Variants in TVP23C observed in about 807,000 individuals in gnomAD.
TVP23C encodes Golgi apparatus membrane protein TVP23 homolog C.
TVP23C carries 19 observed loss-of-function variants against 28.7 expected under a neutral mutation model. The ratio of observed to expected loss-of-function variants is 0.66; its 90% CI spans 0.46 to 0.97. The LOEUF (loss-of-function observed/expected upper bound fraction) is 0.97. TVP23C is among the 50% of genes least tolerant of loss of function. TVP23C has a pLI of 0.00. For missense variants in TVP23C, 186 were observed against 241.3 expected, an observed-to-expected ratio of 0.77 and a Z score of 1.52; for synonymous variants, 68 against 81.7, an observed-to-expected ratio of 0.83 and a Z score of 0.90.
chr17:15,502,730 CTTTCTCTCTCCTCTCTCCCGTCTCTT>C (rs1981508311), exon 6 of TVP23C: 18 of 977,202 alleles, frequency 1.8e-5, no homozygotes, highest in Non-Finnish European at 2.4e-5. Context: ...CTCTCTCTCT[CTTTCTCTCTCCTCTCTCCCGTCTCTT>C]TCTCTCCTTC....
intron 5 of TVP23C, among the ~76,000 whole-genome samples, chr17:15,504,046 A>C (rs1295683449): frequency 6.6e-6 from 1 of 152,166 alleles, no homozygotes. Context: ...CAGTCTCCTG[A>C]GAGCAAGCAT....
chr17:15,522,895 A>T (rs1277419493), intron 5 of TVP23C, among the ~76,000 whole-genome samples: 2 of 152,164 alleles, frequency 1.3e-5, no homozygotes, highest in African/African-American at 4.8e-5. Flanking sequence ...TACACAAATT[A>T]GCCAGGCATG....
chr17:15,508,526 A>G (rs192956496), intron 5 of TVP23C, among the ~76,000 whole-genome samples: 3,261 of 152,210 alleles, frequency 0.021, 122 homozygotes, highest in African/African-American at 0.072. Flanking sequence ...TGTTCCTCGG[A>G]GGACTGGGGA....
At chr17:15,507,908 T>G (rs973414119) in intron 5 of TVP23C, among the ~76,000 whole-genome samples, 1 of 152,094 alleles carries the variant, frequency 6.6e-6, no homozygotes, top group Non-Finnish European at 1.5e-5. Context: ...CTCCATCGTA[T>G]CTGTAAAGTG....
rs1981617024 is a variant in TVP23C at position 15,504,170 on chromosome 17, C to T, written c.463-938G>A. 2.0e-5 allele frequency among the ~76,000 whole-genome samples: 3 copies of T among 152,194 alleles called. 1 individual carries two copies. In the South Asian group the frequency reaches 6.2e-4, roughly 31 times the overall value. On this transcript the variant is annotated intron_variant, in intron 5 of 5. Transcript: ENST00000225576. ...CTCACCCACTAGACAGCCCAGGAAC[C>T]AGGAGCCTAGGCCTGAATAATGGGA...
chr17:15,539,258 T>C lies in TVP23C; in HGVS notation c.*1154A>G. Reference sequence around the variant, plus strand: ...CGAGTTTAAGAATCCCTGTCCTACATAATATCACTTGCCCAACCTACTGTA... The same window carrying C: ...CGAGTTTAAGAATCCCTGTCCTACACAATATCACTTGCCCAACCTACTGTA... On this transcript the variant is annotated 3_prime_UTR_variant, in exon 6 of 6. Coordinates refer to ENST00000518321, the MANE Select transcript of TVP23C (RefSeq NM_001135036.2). The C allele has an allele frequency of 1.0e-6, 1 of 985,372 alleles. No homozygotes were observed. The highest frequency in any genetic ancestry group is 1.2e-6 in the Non-Finnish European group (1 of 829,892). 61.0% of individuals were successfully genotyped at this position (985,372 alleles called of 1,614,324 possible). A position where few individuals can be genotyped will look rare whatever the true frequency, so the allele number is the denominator to read the frequency against.
intron 5 of TVP23C, among the ~76,000 whole-genome samples, chr17:15,543,582 T>C (rs1203823526): frequency 6.6e-6 from 1 of 151,428 alleles, no homozygotes; most frequent in Non-Finnish European, 1.5e-5. Flanking sequence ...GCTAAGGAAA[T>C]ACAGAGAGAA....
At position 15,540,523 on chromosome 17, in the gene TVP23C, G is replaced by A. The variant is rs762192129; in HGVS notation, c.501C>T (p.Asn167=). Residue 167 remains asparagine (N), a synonymous_variant, in exon 6 of 6, where the codon AAC becomes AAT. Coordinates refer to ENST00000518321, the MANE Select transcript of TVP23C (RefSeq NM_001135036.2). ...VIMGVVLQGA[N]LYGYIRCKVR... is the part of the protein sequence containing the mutation. ...CCTTACACCTGATGTAACCATACAG[G>A]TTGGCACCTTGTAGCACCACACCCA... 1.2e-5 allele frequency: 19 copies of A among 1,613,268 alleles called. No homozygotes were observed. The East Asian group carries it at 3.8e-4, about 32-fold the overall frequency.
chr17:15,510,420 T>TG (rs200645084), intron 5 of TVP23C, among the ~76,000 whole-genome samples: 1,712 of 152,142 alleles, frequency 0.011, 35 homozygotes, highest in African/African-American at 0.039. Flanking sequence ...GAGATGCAAG[T>TG]CAAAACCTAT....
intron 2 of TVP23C, 68 bp downstream of exon 2, chr17:15,555,214 A>G: frequency 3.7e-6 from 6 of 1,606,420 alleles, no homozygotes; most frequent in Non-Finnish European, 5.1e-6. Context: ...GACTCCCATC[A>G]GCTAGCACTG....
rs180956061 is a variant in TVP23C at position 15,506,743 on chromosome 17, G to A, written c.463-3511C>T. 173 of 373,830 alleles carry A rather than the reference G, an allele frequency of 4.6e-4. 1 individual carries two copies. In the Middle Eastern group the frequency reaches 5.0e-3, roughly 11 times the overall value. The allele number at this position is 373,830 out of a possible 1,614,324, so 23.2% of individuals were successfully genotyped here. On this transcript the variant is annotated intron_variant, in intron 5 of 5. Coordinates refer to the TVP23C transcript ENST00000225576. ...GAAGGAAGAAACTCCGAACACATCC[G>A]AACATCAGAAGGAACAAACTCCAGA...
intron 5 of TVP23C, among the ~76,000 whole-genome samples, chr17:15,511,053 C>CA (rs58794054): frequency 0.49 from 40,532 of 82,970 alleles, 10,691 homozygotes; most frequent in Non-Finnish European, 0.62. Flanking sequence ...GACTTCGTCT[C>CA]AAAAAAAAAA....
At chr17:15,561,503 G>A (rs1984385252) in intron 1 of TVP23C, among the ~76,000 whole-genome samples, 1 of 152,122 alleles carries the variant, frequency 6.6e-6, no homozygotes, top group African/African-American at 2.4e-5. Flanking sequence ...GGAGGGTGAG[G>A]CAGAAGAATC....
intron 5 of TVP23C, among the ~76,000 whole-genome samples, chr17:15,512,056 G>A (rs998084035): frequency 6.6e-6 from 1 of 152,192 alleles, no homozygotes; most frequent in Non-Finnish European, 1.5e-5. Flanking sequence ...AGATCTGAGT[G>A]GGGCAGCATG....
At chr17:15,534,897 G>A (rs1983094333), downstream of TVP23C, among the ~76,000 whole-genome samples, 1 of 151,850 alleles carries the variant, frequency 6.6e-6, no homozygotes, top group African/African-American at 2.4e-5. Context: ...GAACCCGAGA[G>A]GTGGAGGTTG....
intron 5 of TVP23C, among the ~76,000 whole-genome samples, chr17:15,529,485 T>C (rs1250615761): frequency 6.6e-6 from 1 of 152,142 alleles, no homozygotes; most frequent in African/African-American, 2.4e-5. Context: ...TTAATAATTA[T>C]TCAATATGGA....
At chr17:15,505,552 C>T (rs1052139146) in intron 5 of TVP23C, among the ~76,000 whole-genome samples, 2 of 152,202 alleles carry the variant, frequency 1.3e-5, no homozygotes, top group South Asian at 2.1e-4. Context: ...CTCAGAGCCC[C>T]GCTTGCTCTC....
intron 5 of TVP23C, among the ~76,000 whole-genome samples, chr17:15,543,034 T>C (rs1240927437): frequency 6.6e-6 from 1 of 152,088 alleles, no homozygotes; most frequent in Non-Finnish European, 1.5e-5. Flanking sequence ...GCTAAAGCTC[T>C]AAGGTCTTAC....
At chr17:15,543,580 A>G (rs544391366) in intron 5 of TVP23C, among the ~76,000 whole-genome samples, 1 of 151,782 alleles carries the variant, frequency 6.6e-6, no homozygotes, top group Non-Finnish European at 1.5e-5. Context: ...AAGCTAAGGA[A>G]ATACAGAGAG....
Sources: gnomAD v4.1 joint callset for allele counts (sites outside exome capture counted in the v4.1 genomes callset) on GRCh38, gnomAD v4.1.1 for gene constraint, MANE v1.5 for transcripts, NCBI Gene and HGNC (gene_info 2026-07-23, HGNC 2026-07-21) for gene names.